TBC1D5: variants seen among roughly 807,000 people sequenced by gnomAD.
TBC1D5 encodes TBC1 domain family, member 5.
A neutral mutation model predicts 100.3 loss-of-function variants in TBC1D5; 75 were observed. The observed-to-expected ratio is 0.75, with a 90% CI of 0.62 to 0.91. TBC1D5 has a LOEUF of 0.91. Among genes scored for constraint, TBC1D5 ranks in the 40% least tolerant of loss-of-function variants. The pLI is 0.00. For missense variants in TBC1D5, 910 were observed against 942.4 expected (o/e 0.97, Z 0.45); for synonymous variants, 323 against 325.6 (o/e 0.99, Z 0.09).
At chr3:17,251,364 G>A (rs1222419372) in intron 16 of TBC1D5, among the ~76,000 whole-genome samples, 7 of 151,700 alleles carry the variant, frequency 4.6e-5, no homozygotes, top group Non-Finnish European at 1.0e-4. Context: ...TTGGTGCATT[G>A]GGGCTGTCAT....
chr3:17,489,475 T>C (rs1041786127), intron 3 of TBC1D5, among the ~76,000 whole-genome samples: 1 of 152,204 alleles, frequency 6.6e-6, no homozygotes, highest in Admixed American at 6.5e-5. Flanking sequence ...CTTGTATTTT[T>C]GTTTTGCTGT....
chr3:17,337,223 A>AG (rs2088039831), intron 13 of TBC1D5, among the ~76,000 whole-genome samples: 1 of 148,556 alleles, frequency 6.7e-6, no homozygotes, highest in Non-Finnish European at 1.5e-5. Flanking sequence ...ATTTCTAATG[A>AG]GCTCCCAAGG....
At chr3:17,530,242 T>G in intron 2 of TBC1D5, among the ~76,000 whole-genome samples, 1 of 86,934 alleles carries the variant, frequency 1.2e-5, no homozygotes, top group African/African-American at 5.6e-5. Flanking sequence ...AGACTTCGTC[T>G]CAAAAAAAAA....
intron 2 of TBC1D5, among the ~76,000 whole-genome samples, chr3:17,517,529 A>G (rs183972913): frequency 6.6e-6 from 1 of 152,352 alleles, no homozygotes. Flanking sequence ...GTCATAAGGC[A>G]ATGATTATGA....
rs1032782172 is a variant in TBC1D5 at position 17,224,295 on chromosome 3, T to A, written c.1589-9925A>T. On this transcript the variant is annotated intron_variant, in intron 17 of 21. Coordinates refer to ENST00000253692, the Ensembl canonical transcript of TBC1D5. ...GTTTGCTGATGTTCAATCTGGAATA[T>A]CTGAAAATAATTATAAACACCAATG... 8.5e-5 allele frequency among the ~76,000 whole-genome samples: 13 copies of A among 152,236 alleles called. No homozygotes were observed. In the East Asian group the frequency reaches 2.5e-3, roughly 29 times the overall value.
chr3:17,174,773 T>C (rs894629532), intron 19 of TBC1D5, among the ~76,000 whole-genome samples: 2 of 152,182 alleles, frequency 1.3e-5, no homozygotes, highest in Non-Finnish European at 2.9e-5. Flanking sequence ...TTTGTATTTT[T>C]AGTAGAGACA....
chr3:17,741,697 C>T (rs1274082785), upstream of TBC1D5, among the ~76,000 whole-genome samples: 3 of 150,918 alleles, frequency 2.0e-5, no homozygotes, highest in Non-Finnish European at 4.4e-5. Flanking sequence ...TAACTGGTAT[C>T]GAACAAATTC....
intron 2 of TBC1D5, among the ~76,000 whole-genome samples, chr3:17,612,242 G>C (rs1654655755): frequency 6.7e-6 from 1 of 148,960 alleles, no homozygotes; most frequent in Non-Finnish European, 1.5e-5. Flanking sequence ...CTAGGCTACA[G>C]TATGCCATGA....
At chr3:17,434,852 T>TC (rs1251654284) in intron 3 of TBC1D5, among the ~76,000 whole-genome samples, 2 of 152,190 alleles carry the variant, frequency 1.3e-5, no homozygotes, top group African/African-American at 4.8e-5. Flanking sequence ...CTGCAAATTT[T>TC]CCAAACTTTT....
chr3:17,721,185 C>T (rs1382268889), intron 1 of TBC1D5, among the ~76,000 whole-genome samples: 1 of 151,892 alleles, frequency 6.6e-6, no homozygotes, highest in Non-Finnish European at 1.5e-5. Context: ...ATATTTGTGT[C>T]TCAACTATAA....
At chr3:17,677,334 T>C (rs903667817) in intron 1 of TBC1D5, among the ~76,000 whole-genome samples, 5 of 151,840 alleles carry the variant, frequency 3.3e-5, no homozygotes, top group African/African-American at 1.2e-4. Context: ...AAAAAGTGGG[T>C]GAAGGATGTG....
chr3:17,687,435 G>C (rs1351924618), intron 1 of TBC1D5, among the ~76,000 whole-genome samples: 1 of 152,034 alleles, frequency 6.6e-6, no homozygotes, highest in Non-Finnish European at 1.5e-5. Context: ...AGTATACTTT[G>C]TCAGCTAGGA....
At chr3:17,282,180 A>C (rs1483225577) in intron 15 of TBC1D5, among the ~76,000 whole-genome samples, 1 of 152,224 alleles carries the variant, frequency 6.6e-6, no homozygotes, top group East Asian at 1.9e-4. Context: ...CAAAAGGTTG[A>C]ATGATTTCCC....
At chr3:17,182,833 T>C (rs1268654079) in intron 19 of TBC1D5, among the ~76,000 whole-genome samples, 1 of 152,212 alleles carries the variant, frequency 6.6e-6, no homozygotes, top group Non-Finnish European at 1.5e-5. Context: ...TGTAACTTAT[T>C]ACCCCCATTT....
At chr3:17,502,805 G>T (rs2095801226) in intron 3 of TBC1D5, among the ~76,000 whole-genome samples, 1 of 149,242 alleles carries the variant, frequency 6.7e-6, no homozygotes. Context: ...GACCTAACTA[G>T]TCAACTCAGA....
chr3:17,231,159 G>A (rs902521424), intron 17 of TBC1D5, among the ~76,000 whole-genome samples: 1 of 152,070 alleles, frequency 6.6e-6, no homozygotes, highest in Admixed American at 6.6e-5. Flanking sequence ...CATATGTCTT[G>A]TGTGTGTACC....
chr3:17,349,764 C>A (rs985896087), intron 13 of TBC1D5, among the ~76,000 whole-genome samples: 1 of 152,088 alleles, frequency 6.6e-6, no homozygotes. Context: ...TTCTTCTTAG[C>A]CTTATGAGTT....
At chr3:17,596,002 A>T (rs1368263240) in intron 2 of TBC1D5, among the ~76,000 whole-genome samples, 1 of 152,238 alleles carries the variant, frequency 6.6e-6, no homozygotes, top group Non-Finnish European at 1.5e-5. Context: ...AAAGACTTAG[A>T]GCAGAAGGCT....
At chr3:17,256,103 T>G (rs942703756) in intron 16 of TBC1D5, among the ~76,000 whole-genome samples, 36 of 152,276 alleles carry the variant, frequency 2.4e-4, no homozygotes, top group Non-Finnish European at 4.0e-4. Flanking sequence ...ATTGGTCAGA[T>G]TATTGGTCAG....
Sources: gnomAD v4.1 joint callset for allele counts (sites outside exome capture counted in the v4.1 genomes callset) on GRCh38, gnomAD v4.1.1 for gene constraint, MANE v1.5 for transcripts, NCBI Gene and HGNC (gene_info 2026-07-23, HGNC 2026-07-21) for gene names.